TRA2B: variants seen among roughly 807,000 people sequenced by gnomAD.
The protein encoded by TRA2B is transformer 2 beta homolog, also known as transformer-2 protein homolog beta.
A neutral mutation model predicts 41.7 loss-of-function variants in TRA2B; 14 were observed. That is an observed-to-expected ratio of 0.34 (90% CI 0.22 to 0.53). The LOEUF is 0.53. Among genes scored for constraint, TRA2B ranks in the 20% least tolerant of loss-of-function variants. The pLI is 0.95. For missense variants in TRA2B, 167 were observed against 396.8 expected (o/e 0.42, Z 4.92); for synonymous variants, 130 against 128.8 (o/e 1.01, Z -0.06).
rs756469772 is a variant in TRA2B, at chr3:185,918,447, A to G, written c.783-9T>C. 1 of 1,603,048 alleles carries G rather than the reference A, an allele frequency of 6.2e-7. No homozygotes were observed. The highest frequency in any genetic ancestry group is 8.5e-7 in the Non-Finnish European group (1 of 1,170,276). ...GAGAAGGTGACCGCCTTCTATAAACAAATGTCAAGATTGTCTAAGTCTCAA... is the reference window on the plus strand; with the variant it reads ...GAGAAGGTGACCGCCTTCTATAAACGAATGTCAAGATTGTCTAAGTCTCAA... On this transcript the variant is annotated splice_polypyrimidine_tract_variant and intron_variant, in intron 7 of 8. Transcript: ENST00000453386.
intron 1 of TRA2B, chr3:185,929,088 G>C (rs1007920403): frequency 6.6e-6 from 1 of 152,148 alleles, no homozygotes; most frequent in Admixed American, 6.5e-5. Flanking sequence ...TCTTGGGCCA[G>C]GAATAAGGGA....
intron 4 of TRA2B, chr3:185,922,769 TAA>T (rs1743790672): frequency 2.0e-5 from 3 of 152,158 alleles, no homozygotes; most frequent in African/African-American, 7.2e-5. Context: ...ATTTAAAAAA[TAA>T]AAATACCCCG....
intron 1 of TRA2B, chr3:185,934,792 G>C (rs1422171677): frequency 2.0e-6 from 2 of 985,290 alleles, no homozygotes; most frequent in Non-Finnish European, 1.2e-6. Context: ...GCAGTTTGAT[G>C]GGTTGGTGTC....
In TRA2B at chr3:185,916,089, G is replaced by C. The variant is rs2150110036; in HGVS notation, c.*1626C>G. The C allele has an allele frequency of 6.6e-6, 1 of 152,258 alleles. No homozygotes were observed. Among genetic ancestry groups the C allele is most frequent in the East Asian group, 1.9e-4 (1 of 5,180 alleles). 9.4% of individuals were successfully genotyped at this position (152,258 alleles called of 1,614,324 possible). ...ACATGCTTATCAGAAACAAACCTAA[G>C]GGTAGTTCTCTAAGCATATTAATTT... is the stretch of plus-strand genomic sequence containing the variant. On this transcript the variant is annotated 3_prime_UTR_variant, in exon 9 of 9. Transcript: ENST00000453386.
At chr3:185,922,227 T>TAA (rs2150113148) in intron 4 of TRA2B, 101 bp from the exon 5 acceptor site, 1 of 705,254 alleles carries the variant, frequency 1.4e-6, no homozygotes, top group Non-Finnish European at 2.3e-6. Flanking sequence ...TTAGGTGCAT[T>TAA]AAGTTATCTT....
Position 185,914,912 on chromosome 3 carries a change from A to G in TRA2B, c.*2803T>C, listed in dbSNP as rs1055083485. Among the ~76,000 whole-genome samples, 2 of 152,150 alleles carry G rather than the reference A, an allele frequency of 1.3e-5. No homozygotes were observed. The highest frequency in any genetic ancestry group is 2.4e-5 in the African/African-American group (1 of 41,436). ...CTGGGCCTTGCAGAATTGGAATCCT[A>G]GTCAATGGTGTAAGAGGGCTAAGAG... On this transcript the variant is annotated 3_prime_UTR_variant, in exon 9 of 9. Coordinates refer to ENST00000453386, the MANE Select transcript of TRA2B (RefSeq NM_004593.3).
At chr3:185,924,060 C>T (rs1337425184) in intron 3 of TRA2B, 76 bp from the exon 4 acceptor site, 6 of 1,332,030 alleles carry the variant, frequency 4.5e-6, no homozygotes, top group Non-Finnish European at 6.1e-6. Flanking sequence ...GAGCTGTATA[C>T]TAGCCAAAAT....
intron 1 of TRA2B, 88 bp from the exon 2 acceptor site, chr3:185,926,822 C>G: frequency 6.7e-7 from 1 of 1,490,538 alleles, no homozygotes; most frequent in Non-Finnish European, 9.1e-7. Context: ...TGGTGAGGGA[C>G]AGCAATCCCC....
intron 1 of TRA2B, chr3:185,935,308 A>G: frequency 1.0e-6 from 1 of 985,354 alleles, no homozygotes; most frequent in Non-Finnish European, 1.2e-6. Flanking sequence ...TTAGACCCCT[A>G]TAGACAGATT....
chr3:185,931,383 G>T, intron 1 of TRA2B: 1 of 203,366 alleles, frequency 4.9e-6, no homozygotes, highest in Non-Finnish European at 8.7e-6. Context: ...CTGCTGCCTG[G>T]TGCTTGACTA....
intron 1 of TRA2B, chr3:185,935,972 C>T: frequency 1.0e-6 from 1 of 985,390 alleles, no homozygotes; most frequent in Non-Finnish European, 1.2e-6. Flanking sequence ...ACACAGTGTA[C>T]TTTTACTAGT....
In TRA2B at chr3:185,916,881, GTA is replaced by G. The variant is rs892774929; in HGVS notation, c.*832_*833del. 3 of 151,292 alleles carry G rather than the reference GTA, an allele frequency of 2.0e-5. No homozygotes were observed. The highest frequency in any genetic ancestry group is 4.4e-5 in the Non-Finnish European group (3 of 67,854). 9.4% of individuals were successfully genotyped at this position (151,292 alleles called of 1,614,324 possible). On this transcript the variant is annotated 3_prime_UTR_variant, in exon 9 of 9. Transcript: ENST00000453386. ...AAAGTCTTCAGTTCATCCATGACAG[GTA>G]TAGTGTTCCCTTATCATGTACTTTG... is the stretch of plus-strand genomic sequence containing the variant.
chr3:185,925,243 G>C, intron 3 of TRA2B: 1 of 468,494 alleles, frequency 2.1e-6, no homozygotes, highest in South Asian at 2.8e-5. Context: ...GGGCTAAGGA[G>C]TTACACCATT....
At position 185,917,476 on chromosome 3, in the gene TRA2B, T is replaced by TA. The variant is rs1341793010; in HGVS notation, c.*238dup. 6 of 475,854 alleles carry TA rather than the reference T, an allele frequency of 1.3e-5. No homozygotes were observed. The highest frequency in any genetic ancestry group is 4.1e-5 in the Admixed American group (1 of 24,274). 29.5% of individuals were successfully genotyped at this position (475,854 alleles called of 1,614,324 possible). A position where few individuals can be genotyped will look rare whatever the true frequency, so the allele number is the denominator to read the frequency against. ...TTCTCAGCAGTCAAAATTTAGACTG[T>TA]AAAAAAATACATGCAAAACATACTT... On this transcript the variant is annotated 3_prime_UTR_variant, in exon 9 of 9. Coordinates refer to ENST00000453386, the MANE Select transcript of TRA2B (RefSeq NM_004593.3).
chr3:185,918,249 A>T, intron 8 of TRA2B, 116 bp downstream of exon 8: 1 of 694,000 alleles, frequency 1.4e-6, no homozygotes, highest in Non-Finnish European at 2.4e-6. Flanking sequence ...GGATGTGTGG[A>T]GAATCATTAG....
In TRA2B at chr3:185,915,068, G is replaced by A. The variant is rs543270824; in HGVS notation, c.*2647C>T. Among the ~76,000 whole-genome samples, 10 of 152,242 alleles carry A rather than the reference G, an allele frequency of 6.6e-5. No individual in the cohort carries two copies. The South Asian group carries it at 1.0e-3, about 16-fold the overall frequency. ...TGTGCAAGCTAGATCCCTCTCAAGC[G>A]CACTTCACAATAGGATTCCTGCTAT... On this transcript the variant is annotated 3_prime_UTR_variant, in exon 9 of 9. Coordinates refer to ENST00000453386, the MANE Select transcript of TRA2B (RefSeq NM_004593.3).
In TRA2B at chr3:185,937,808, A is replaced by T. The variant is rs751398222; in HGVS notation, c.36+17T>A. 22 of 1,613,742 alleles carry T rather than the reference A, an allele frequency of 1.4e-5. No homozygotes were observed. Among genetic ancestry groups the T allele is most frequent in the Non-Finnish European group, 1.8e-5 (21 of 1,179,978 alleles). On this transcript the variant is annotated intron_variant, in intron 1 of 8. Transcript: ENST00000453386. ...AGCTAGGACCACACAGCCACCCCCT[A>T]CCGCAGCTCTACGTACCCGCTCGCC...
At chr3:185,935,510 A>G (rs761683500) in intron 1 of TRA2B, 843 of 985,456 alleles carry the variant, frequency 8.6e-4, no homozygotes, top group Admixed American at 1.4e-3. Context: ...AAACTCCTAC[A>G]GTCACTGGAA....
Position 185,937,959 on chromosome 3 carries a change from C to G in TRA2B, c.-99G>C. ...CTCCGCCGCAGCCCCGCACGACGCG[C>G]CGGTCGCCCAGCCGCTCAGAGCCGA... On this transcript the variant is annotated 5_prime_UTR_variant, in exon 1 of 9. Coordinates refer to ENST00000453386, the MANE Select transcript of TRA2B (RefSeq NM_004593.3). 1.0e-5 allele frequency: 15 copies of G among 1,476,094 alleles called. No homozygotes were observed. Among genetic ancestry groups the G allele is most frequent in the East Asian group, 2.4e-5 (1 of 42,198 alleles). 91.4% of individuals were successfully genotyped at this position (1,476,094 alleles called of 1,614,324 possible).
Sources: allele counts gnomAD v4.1 joint callset (sites outside exome capture counted in the v4.1 genomes callset), GRCh38; gene constraint gnomAD v4.1.1; transcripts MANE v1.5; gene names NCBI Gene and HGNC (gene_info 2026-07-23, HGNC 2026-07-21).